MFAP5: variants seen among roughly 807,000 people sequenced by gnomAD.
The protein encoded by MFAP5 is microfibrillar-associated protein 5.
A neutral mutation model predicts 30.1 loss-of-function variants in MFAP5; 19 were observed. The observed-to-expected ratio is 0.63, with a 90% CI of 0.44 to 0.93. The LOEUF (loss-of-function observed/expected upper bound fraction) is 0.93. MFAP5 is among the 40% of genes least tolerant of loss of function. MFAP5 has a pLI of 0.00. For missense variants in MFAP5, 210 were observed against 221.3 expected (o/e 0.95, Z 0.32); for synonymous variants, 92 against 72.9 (o/e 1.26, Z -1.33).
intron 3 of MFAP5, 64 bp from the exon 4 acceptor site, chr12:8,655,894 A>G (rs1231875190): frequency 3.4e-6 from 5 of 1,454,236 alleles, no homozygotes; most frequent in Non-Finnish European, 4.8e-6. Flanking sequence ...TTGCACTTCC[A>G]GTAAGTTAAA....
At chr12:8,648,937 G>GC in intron 9 of MFAP5, among the ~76,000 whole-genome samples, 1 of 152,110 alleles carries the variant, frequency 6.6e-6, no homozygotes, top group East Asian at 1.9e-4. Context: ...CCTCGTAATT[G>GC]CCCCATAACA....
At position 8,662,058 on chromosome 12, in the gene MFAP5, A is replaced by G; in HGVS notation, c.47T>C (p.Ile16Thr). The G allele has an allele frequency of 3.1e-6, 5 of 1,613,926 alleles. No homozygotes were observed. Among genetic ancestry groups the G allele is most frequent in the Non-Finnish European group, 4.2e-6 (5 of 1,179,990 alleles). Residue 16 changes from isoleucine to threonine, a missense_variant, in exon 2 of 10, where the codon ATC (isoleucine) becomes ACC (threonine). Transcript: ENST00000359478. ...AATAAAGGACTCACCAGAGGTGATG[A>G]TGAATGCAGCAAGAAACAGCAGCAC... ...PKVLLFLAAFIITSDWIPLGV... is the reference protein window; with the variant it reads ...PKVLLFLAAFTITSDWIPLGV...
In MFAP5 at chr12:8,650,894, C is replaced by T. The variant is rs200030300; in HGVS notation, c.248-305G>A. Among the ~76,000 whole-genome samples the T allele has an allele frequency of 5.9e-5, 9 of 152,234 alleles. No individual in the cohort carries two copies. In the East Asian group the frequency reaches 7.7e-4, roughly 13 times the overall value. On this transcript the variant is annotated intron_variant, in intron 7 of 9. Transcript: ENST00000359478. ...TATGAAATATAAAATAGGCTGGGCA[C>T]GGTGGCTCATGCTTGTAATTCCAGC...
At chr12:8,661,048 C>T in intron 2 of MFAP5, 150 bp from the exon 3 acceptor site, 1 of 558,362 alleles carries the variant, frequency 1.8e-6, no homozygotes, top group East Asian at 2.9e-5. Flanking sequence ...ATTACTGAGA[C>T]CATTAGTGCT....
intron 9 of MFAP5, 179 bp from the exon 10 acceptor site, chr12:8,648,382 T>A: frequency 1.1e-6 from 1 of 948,386 alleles, no homozygotes; most frequent in Non-Finnish European, 1.5e-6. Context: ...GAAAGTTTCT[T>A]AAATTTTATA....
chr12:8,655,570 G>A (rs1307167963), intron 4 of MFAP5, 123 bp from the exon 5 acceptor site: 9 of 1,050,388 alleles, frequency 8.6e-6, no homozygotes, highest in South Asian at 1.5e-5. Flanking sequence ...CTGTGGACTC[G>A]GGCAGATGAG....
At chr12:8,658,286 G>C (rs1435725552) in intron 3 of MFAP5, among the ~76,000 whole-genome samples, 2 of 152,060 alleles carry the variant, frequency 1.3e-5, no homozygotes, top group East Asian at 3.9e-4. Flanking sequence ...GGAGGCGGAG[G>C]TTGCAGTGAG....
chr12:8,651,657 C>A lies in MFAP5; in HGVS notation c.247+5G>T. On this transcript the variant is annotated splice_donor_5th_base_variant and intron_variant, in intron 7 of 9. Coordinates refer to ENST00000359478, the MANE Select transcript of MFAP5 (RefSeq NM_003480.4). ...CTTAAGAAGGCATGCAAGCAACAATCATACCTGCAGTGGTATTTTTTTCAC... is the reference window on the plus strand; with the variant it reads ...CTTAAGAAGGCATGCAAGCAACAATAATACCTGCAGTGGTATTTTTTTCAC... 1 of 1,613,900 alleles carries A rather than the reference C, an allele frequency of 6.2e-7. No individual in the cohort carries two copies. Among genetic ancestry groups the A allele is most frequent in the Non-Finnish European group, 8.5e-7 (1 of 1,179,822 alleles).
chr12:8,651,690 G>A lies in MFAP5; in HGVS notation c.219C>T (p.Ala73=), dbSNP rs770425375. 1 of 1,613,670 alleles carries A rather than the reference G, an allele frequency of 6.2e-7. No individual in the cohort carries two copies. Among genetic ancestry groups the A allele is most frequent in the Non-Finnish European group, 8.5e-7 (1 of 1,179,652 alleles). Residue 73 remains alanine, a splice_region_variant and synonymous_variant, in exon 7 of 10, where the codon GCC becomes GCT. Coordinates refer to ENST00000359478, the MANE Select transcript of MFAP5 (RefSeq NM_003480.4). ...CAGTGGTATTTTTTTCACTGAGGGA[G>A]GCTGAAAGGCAGAAATTTTATTCCA... ...ADIAPSTDDL[A]SLSEKNTTAE...
rs750135798 is a variant in MFAP5, at chr12:8,650,729, A to G, written c.248-140T>C. On this transcript the variant is annotated intron_variant, in intron 7 of 9. Transcript: ENST00000359478. ...ACAGAGAATCATTATAAATTGGGCTACATCCTTTCCGTCCACCAAAAACAC... is the reference window on the plus strand; with the variant it reads ...ACAGAGAATCATTATAAATTGGGCTGCATCCTTTCCGTCCACCAAAAACAC... The G allele has an allele frequency of 6.7e-4, 487 of 722,680 alleles. 1 individual carries two copies. The African/African-American group carries it at 7.1e-3, about 11-fold the overall frequency. The allele number at this position is 722,680 out of a possible 1,614,324, so 44.8% of individuals were successfully genotyped here.
chr12:8,649,420 C>G (rs1565521823), intron 9 of MFAP5, 81 bp downstream of exon 9: 4 of 1,322,862 alleles, frequency 3.0e-6, no homozygotes, highest in Non-Finnish European at 4.3e-6. Context: ...TAGTACCAGA[C>G]TTTGGATATA....
At chr12:8,650,275 C>A in intron 8 of MFAP5, 1 of 520,046 alleles carries the variant, frequency 1.9e-6, no homozygotes, top group Non-Finnish European at 3.5e-6. Flanking sequence ...CTTCCTCCAG[C>A]GCCCACCTTC....
chr12:8,654,219 A>G, intron 6 of MFAP5: 2 of 473,050 alleles, frequency 4.2e-6, no homozygotes, highest in Non-Finnish European at 7.5e-6. Context: ...GCCTTTACCC[A>G]TCAAGTCTTG....
intron 4 of MFAP5, 144 bp downstream of exon 4, chr12:8,655,642 C>T (rs1416300095): frequency 2.0e-6 from 2 of 1,020,212 alleles, no homozygotes; most frequent in Non-Finnish European, 2.9e-6. Context: ...GAGATGCTGG[C>T]ATCTAAGGTG....
chr12:8,649,020 A>G (rs1941759402), intron 9 of MFAP5, among the ~76,000 whole-genome samples: 1 of 152,246 alleles, frequency 6.6e-6, no homozygotes, highest in South Asian at 2.1e-4. Flanking sequence ...TGAACTATTT[A>G]TAACATAGCT....
intron 9 of MFAP5, chr12:8,648,631 G>C (rs183542432): frequency 5.9e-6 from 5 of 843,790 alleles, no homozygotes; most frequent in Non-Finnish European, 8.4e-6. Context: ...GCTAACTTTA[G>C]GAAGTCCCTT....
At chr12:8,660,055 A>G (rs2136481686) in intron 3 of MFAP5, among the ~76,000 whole-genome samples, 1 of 152,242 alleles carries the variant, frequency 6.6e-6, no homozygotes, top group African/African-American at 2.4e-5. Context: ...AGGGGTCACA[A>G]CTTTTGGGAT....
intron 3 of MFAP5, among the ~76,000 whole-genome samples, chr12:8,656,763 G>C (rs1043497734): frequency 1.3e-5 from 2 of 150,770 alleles, no homozygotes; most frequent in Non-Finnish European, 2.9e-5. Context: ...CCGCCTCCCG[G>C]GTTCAAGCAA....
intron 5 of MFAP5, among the ~76,000 whole-genome samples, chr12:8,654,851 G>T (rs1941939601): frequency 1.3e-5 from 2 of 150,984 alleles, no homozygotes; most frequent in Non-Finnish European, 2.9e-5. Flanking sequence ...TGAGGCAGGA[G>T]AATCACTTGA....
Sources: allele counts gnomAD v4.1 joint callset (sites outside exome capture counted in the v4.1 genomes callset), GRCh38; gene constraint gnomAD v4.1.1; transcripts MANE v1.5; gene names NCBI Gene and HGNC (gene_info 2026-07-23, HGNC 2026-07-21).